Variants in UPF2 observed in about 807,000 individuals in gnomAD.
UPF2 encodes UPF2 regulator of nonsense mediated mRNA decay.
UPF2 carries 17 observed loss-of-function variants against 141.4 expected under a neutral mutation model. That is an observed-to-expected ratio of 0.12 (90% CI 0.08 to 0.18). The LOEUF is 0.18. UPF2 is among the 10% of genes least tolerant of loss of function. UPF2 has a pLI of 1.00. For missense variants in UPF2, 1,152 were observed against 1,515.9 expected (o/e 0.76, Z 3.99); for synonymous variants, 540 against 498.0 (o/e 1.08, Z -1.12).
intron 8 of UPF2, among the ~76,000 whole-genome samples, chr10:11,982,804 G>A (rs1389923438): frequency 2.0e-5 from 3 of 152,076 alleles, no homozygotes; most frequent in Non-Finnish European, 4.4e-5. Context: ...GTCTTTAGTA[G>A]AGATGGAGTT....
intron 4 of UPF2, among the ~76,000 whole-genome samples, chr10:12,005,709 C>T (rs1016083318): frequency 1.1e-4 from 16 of 152,150 alleles, no homozygotes; most frequent in African/African-American, 3.9e-4. Context: ...GCTGGGATTA[C>T]AGGCGCCCGC....
chr10:11,954,606 C>T, intron 14 of UPF2, among the ~76,000 whole-genome samples: 1 of 142,908 alleles, frequency 7.0e-6, no homozygotes. Flanking sequence ...TGCACTCCAG[C>T]CTGGATGACA....
intron 19 of UPF2, among the ~76,000 whole-genome samples, chr10:11,934,870 G>A (rs1016029142): frequency 1.3e-5 from 2 of 152,326 alleles, no homozygotes; most frequent in East Asian, 1.9e-4. Context: ...TTACAGGTGT[G>A]AGCCACTATG....
chr10:11,943,708 A>T (rs1406126726), intron 16 of UPF2, among the ~76,000 whole-genome samples: 1 of 152,134 alleles, frequency 6.6e-6, no homozygotes, highest in Non-Finnish European at 1.5e-5. Flanking sequence ...ACATGAAAAA[A>T]CTGAGGCTCA....
At chr10:11,930,213 C>T (rs543492912) in intron 20 of UPF2, among the ~76,000 whole-genome samples, 1 of 152,322 alleles carries the variant, frequency 6.6e-6, no homozygotes, top group African/African-American at 2.4e-5. Context: ...AATCTAGCCA[C>T]CACATAGCTA....
chr10:11,999,300 T>C (rs1421645175), intron 7 of UPF2, among the ~76,000 whole-genome samples: 1 of 151,494 alleles, frequency 6.6e-6, no homozygotes, highest in Non-Finnish European at 1.5e-5. Flanking sequence ...GATCACAAGG[T>C]CAGGAGTTCG....
At chr10:11,957,240 C>G (rs58340849) in intron 12 of UPF2, among the ~76,000 whole-genome samples, 1 of 151,832 alleles carries the variant, frequency 6.6e-6, no homozygotes, top group South Asian at 2.1e-4. Flanking sequence ...ACTAGCCTGG[C>G]CAACATGGCA....
Position 11,935,761 on chromosome 10 carries a change from C to T in UPF2, c.3546+784G>A, listed in dbSNP as rs1273614775. 6.6e-6 allele frequency among the ~76,000 whole-genome samples: 1 copy of T among 152,094 alleles called. No homozygotes were observed. On this transcript the variant is annotated intron_variant, in intron 19 of 21. Coordinates refer to ENST00000357604, the MANE Select transcript of UPF2 (RefSeq NM_015542.4). This position sits in a 1 kb window ranked among gnomAD's most constrained non-coding sequence, Gnocchi z 4.9. The stretch of plus-strand genomic sequence containing the variant: ...TCTGTTTATCACTGTAGCCTCAGGA[C>T]CTGAAATAGAATAGTACCTGGCACG...
chr10:11,931,626 T>C lies in UPF2; in HGVS notation c.3688+15A>G, dbSNP rs761435116. On this transcript the variant is annotated intron_variant, in intron 20 of 21. Transcript: ENST00000357604. This position sits in a 1 kb window ranked among gnomAD's most constrained non-coding sequence, Gnocchi z 5.9. ...GCAACAAAAATTTCCACTTCTCTTA[T>C]AGATGATTTTATACCTTGATAATCT... The C allele has an allele frequency of 5.7e-5, 90 of 1,579,414 alleles. 1 individual carries two copies. The Middle Eastern group carries it at 2.4e-3, about 42-fold the overall frequency.
At chr10:11,929,791 T>A in intron 21 of UPF2, 74 bp downstream of exon 21, 1 of 1,547,760 alleles carries the variant, frequency 6.5e-7, no homozygotes, top group Non-Finnish European at 8.7e-7. Flanking sequence ...AAAACTATAA[T>A]CCAGAATTCC....
intron 10 of UPF2, among the ~76,000 whole-genome samples, chr10:11,966,954 T>TA: frequency 6.6e-6 from 1 of 152,354 alleles, no homozygotes; most frequent in South Asian, 2.1e-4. Flanking sequence ...TCTATGATAA[T>TA]ACAGAGAAAC....
chr10:12,024,868 A>G (rs1311246396), intron 3 of UPF2, among the ~76,000 whole-genome samples: 1 of 141,202 alleles, frequency 7.1e-6, no homozygotes, highest in Non-Finnish European at 1.5e-5. Context: ...CAGGAGGTCA[A>G]GGCTACACTG....
At position 11,979,265 on chromosome 10, in the gene UPF2, C is replaced by A; in HGVS notation, c.1845-100G>T. Reference sequence around the variant, plus strand: ...CAGATGTATTCACACATTAAATGATCTTAAAACTCATAATCATACAGACAT... The same window carrying A: ...CAGATGTATTCACACATTAAATGATATTAAAACTCATAATCATACAGACAT... On this transcript the variant is annotated intron_variant, in intron 8 of 21. Transcript: ENST00000357604. This position sits in a 1 kb window ranked among gnomAD's most constrained non-coding sequence, Gnocchi z 6.2. 1.2e-6 allele frequency: 1 copy of A among 802,820 alleles called. No individual in the cohort carries two copies. The highest frequency in any genetic ancestry group is 1.9e-6 in the Non-Finnish European group (1 of 516,412). The allele number at this position is 802,820 out of a possible 1,614,324, so 49.7% of individuals were successfully genotyped here.
chr10:11,958,839 G>A (rs1478666712), intron 12 of UPF2, among the ~76,000 whole-genome samples: 1 of 152,108 alleles, frequency 6.6e-6, no homozygotes, highest in Admixed American at 6.5e-5. Context: ...TCTACTAAAG[G>A]TTAGGATCCT....
intron 9 of UPF2, among the ~76,000 whole-genome samples, chr10:11,977,524 T>C (rs779745845): frequency 6.6e-6 from 1 of 152,216 alleles, no homozygotes; most frequent in Non-Finnish European, 1.5e-5. Context: ...TTTTCTTAAT[T>C]TAAGTTTTTC....
intron 19 of UPF2, among the ~76,000 whole-genome samples, chr10:11,933,699 A>C (rs1243309595): frequency 1.3e-5 from 2 of 152,088 alleles, no homozygotes; most frequent in African/African-American, 2.4e-5. Flanking sequence ...AGTTTCTTTT[A>C]AGTAGGCATT....
At chr10:11,975,195 A>G (rs1007087663) in intron 9 of UPF2, among the ~76,000 whole-genome samples, 1 of 152,146 alleles carries the variant, frequency 6.6e-6, no homozygotes, top group African/African-American at 2.4e-5. Context: ...CAGAAGTTTG[A>G]GGCTGCAGTG....
intron 2 of UPF2, among the ~76,000 whole-genome samples, chr10:12,034,225 T>C (rs1277907970): frequency 6.6e-6 from 1 of 152,226 alleles, no homozygotes; most frequent in African/African-American, 2.4e-5. Context: ...CAATGCCTGA[T>C]AGATAAGAAC....
intron 21 of UPF2, among the ~76,000 whole-genome samples, chr10:11,926,963 C>T (rs763639529): frequency 2.6e-5 from 4 of 152,230 alleles, no homozygotes; most frequent in East Asian, 3.8e-4. Flanking sequence ...CACATGCTCA[C>T]GTCGATGACA....
Sources: gnomAD v4.1 joint callset for allele counts (sites outside exome capture counted in the v4.1 genomes callset) on GRCh38, gnomAD v4.1.1 for gene constraint, Gnocchi (gnomAD v3.1) non-coding constraint, MANE v1.5 for transcripts, NCBI Gene and HGNC (gene_info 2026-07-23, HGNC 2026-07-21) for gene names.